Variants in FOXP2 observed in about 807,000 individuals in gnomAD.
FOXP2 encodes the protein forkhead box protein P2.
In FOXP2, 12 loss-of-function variants were observed where a neutral mutation model predicts 115.8. The ratio of observed to expected loss-of-function variants is 0.10; its 90% CI spans 0.07 to 0.17. The LOEUF is 0.17. FOXP2 is among the 10% of genes least tolerant of loss of function. The probability of loss-of-function intolerance (pLI) is 1.00; values close to 1 mark genes in which losing one functional copy is unlikely to be tolerated. For synonymous variants in FOXP2, 328 were observed against 297.7 expected (o/e 1.10, Z -1.05); for missense variants, 629 against 843.5 (o/e 0.75, Z 3.15).
rs1808626459 is a variant in FOXP2 at position 114,690,776 on chromosome 7, A to G, written c.*850A>G. On this transcript the variant is annotated 3_prime_UTR_variant, in exon 17 of 17. Coordinates refer to ENST00000350908, the MANE Select transcript of FOXP2 (RefSeq NM_014491.4). Reference sequence around the variant, plus strand: ...AAAGCCAACTCTAACCATGGCCAAGAGCTCAAGGACAGAAGCAGCCACATG... The same window carrying G: ...AAAGCCAACTCTAACCATGGCCAAGGGCTCAAGGACAGAAGCAGCCACATG... 1 of 454,400 alleles carries G rather than the reference A, an allele frequency of 2.2e-6. No homozygotes were observed. The highest frequency in any genetic ancestry group is 4.4e-6 in the Non-Finnish European group (1 of 226,796). The allele number at this position is 454,400 out of a possible 1,614,324, so 28.1% of individuals were successfully genotyped here.
upstream of FOXP2, among the ~76,000 whole-genome samples, chr7:114,159,051 G>A (rs917282632): frequency 3.3e-5 from 5 of 152,076 alleles, no homozygotes; most frequent in African/African-American, 9.7e-5. Context: ...GTATATGTTC[G>A]AGAATCATTT....
At chr7:114,300,779 C>T (rs1796861254) in intron 2 of FOXP2, among the ~76,000 whole-genome samples, 1 of 151,876 alleles carries the variant, frequency 6.6e-6, no homozygotes, top group South Asian at 2.1e-4. Flanking sequence ...GGTATCTGTA[C>T]ACTTTTCAAA....
At chr7:114,364,257 A>G (rs1406101357) in intron 2 of FOXP2, among the ~76,000 whole-genome samples, 1 of 152,120 alleles carries the variant, frequency 6.6e-6, no homozygotes, top group Non-Finnish European at 1.5e-5. Flanking sequence ...TTAGCTACCC[A>G]TATTGTTAAT....
chr7:114,437,592 G>A (rs1794413002), intron 2 of FOXP2, among the ~76,000 whole-genome samples: 1 of 152,076 alleles, frequency 6.6e-6, no homozygotes, highest in South Asian at 2.1e-4. Context: ...TAGATTAGTA[G>A]AGTGTTACAC....
intron 2 of FOXP2, among the ~76,000 whole-genome samples, chr7:114,318,805 C>A (rs1037969358): frequency 2.0e-5 from 3 of 151,734 alleles, no homozygotes; most frequent in Admixed American, 6.6e-5. Flanking sequence ...CAAATAAATA[C>A]TACCTTTATT....
intron 3 of FOXP2, among the ~76,000 whole-genome samples, chr7:114,556,536 A>G (rs779773924): frequency 3.3e-5 from 5 of 152,246 alleles, no homozygotes; most frequent in Non-Finnish European, 7.3e-5. Context: ...GAAAAAAATT[A>G]TAATATGATA....
intron 1 of FOXP2, among the ~76,000 whole-genome samples, chr7:114,169,039 A>G (rs1358962605): frequency 6.6e-6 from 1 of 152,220 alleles, no homozygotes; most frequent in Non-Finnish European, 1.5e-5. Flanking sequence ...GACGTGTGGA[A>G]ATACCTGCAA....
At chr7:114,387,413 A>G (rs1259239473) in intron 2 of FOXP2, among the ~76,000 whole-genome samples, 1 of 152,224 alleles carries the variant, frequency 6.6e-6, no homozygotes, top group Non-Finnish European at 1.5e-5. Context: ...CAGGACTAGA[A>G]TACATGAGTC....
At chr7:114,100,000 A>G (rs1383643772) in intron 1 of FOXP2, among the ~76,000 whole-genome samples, 1 of 152,180 alleles carries the variant, frequency 6.6e-6, no homozygotes, top group Admixed American at 6.5e-5. Flanking sequence ...CTGTCTATGT[A>G]TATTCCATAA....
chr7:114,420,304 C>G (rs1254779106), intron 1 of FOXP2, among the ~76,000 whole-genome samples: 1 of 151,914 alleles, frequency 6.6e-6, no homozygotes, highest in East Asian at 1.9e-4. Flanking sequence ...TGCAAGCTTG[C>G]ACAACTCAAT....
chr7:114,443,603 G>T (rs1165339397), intron 2 of FOXP2, among the ~76,000 whole-genome samples: 1 of 152,072 alleles, frequency 6.6e-6, no homozygotes, highest in Non-Finnish European at 1.5e-5. Flanking sequence ...TAGGCCTGGT[G>T]TCTGTTGTTC....
intron 2 of FOXP2, among the ~76,000 whole-genome samples, chr7:114,494,365 T>C (rs1797213448): frequency 1.3e-5 from 2 of 152,158 alleles, no homozygotes; most frequent in Admixed American, 6.6e-5. Context: ...TTTGTATGTT[T>C]ATGAGATAAA....
chr7:114,583,540 C>G (rs2129302957), intron 3 of FOXP2, among the ~76,000 whole-genome samples: 1 of 152,226 alleles, frequency 6.6e-6, no homozygotes, highest in East Asian at 1.9e-4. Context: ...GCCTTACTAT[C>G]AACATTTTTC....
intron 2 of FOXP2, among the ~76,000 whole-genome samples, chr7:114,308,902 C>G (rs1797077819): frequency 4.6e-5 from 7 of 152,136 alleles, no homozygotes; most frequent in Admixed American, 4.6e-4. Flanking sequence ...AGTAGTAGCC[C>G]TGGGAGGGAG....
chr7:114,655,098 A>T (rs1480468388), intron 10 of FOXP2, among the ~76,000 whole-genome samples: 1 of 152,048 alleles, frequency 6.6e-6, no homozygotes, highest in Non-Finnish European at 1.5e-5. Context: ...TACTTTTTAA[A>T]CTCTAAAATG....
chr7:114,506,775 T>G (rs1360567780), intron 2 of FOXP2, among the ~76,000 whole-genome samples: 1 of 151,766 alleles, frequency 6.6e-6, no homozygotes, highest in Admixed American at 6.6e-5. Context: ...GCTCCAGAAC[T>G]GGCCTGATTT....
At chr7:114,113,181 A>G (rs1791316592) in intron 1 of FOXP2, among the ~76,000 whole-genome samples, 1 of 152,190 alleles carries the variant, frequency 6.6e-6, no homozygotes, top group Admixed American at 6.5e-5. Flanking sequence ...GTGTTCACGA[A>G]CATGATCAAA....
chr7:114,591,210 T>C (rs1017379723), intron 3 of FOXP2, among the ~76,000 whole-genome samples: 17 of 152,170 alleles, frequency 1.1e-4, no homozygotes. Flanking sequence ...CCTTGACCAT[T>C]GTAACACATG....
At chr7:114,222,031 C>G (rs1794636884) in intron 1 of FOXP2, among the ~76,000 whole-genome samples, 1 of 152,166 alleles carries the variant, frequency 6.6e-6, no homozygotes, top group African/African-American at 2.4e-5. Flanking sequence ...CCCATGTGTA[C>G]CAGACTACTC....
Sources: allele counts gnomAD v4.1 joint callset (sites outside exome capture counted in the v4.1 genomes callset), GRCh38; gene constraint gnomAD v4.1.1; transcripts MANE v1.5; gene names NCBI Gene and HGNC (gene_info 2026-07-23, HGNC 2026-07-21).